The following SLC19A3 variants were observed in gnomAD, a reference collection of about 807,000 sequenced individuals.
The protein encoded by SLC19A3 is thiamine transporter 2.
SLC19A3 carries 31 observed loss-of-function variants against 40.2 expected under a neutral mutation model. That is an observed-to-expected ratio of 0.77 (90% CI 0.58 to 1.04). The LOEUF (loss-of-function observed/expected upper bound fraction) is 1.04, where lower values mean the gene tolerates loss of function less well. Ranked by LOEUF, SLC19A3 falls within the 50% of genes least tolerant of loss-of-function variation. The pLI is 0.00. For synonymous variants in SLC19A3, 212 were observed against 227.5 expected (o/e 0.93, Z 0.61); for missense variants, 592 against 596.7 (o/e 0.99, Z 0.08).
intron 1 of SLC19A3, among the ~76,000 whole-genome samples, chr2:227,716,469 T>A (rs946412337): frequency 6.6e-6 from 1 of 152,130 alleles, no homozygotes; most frequent in Admixed American, 6.5e-5. Flanking sequence ...CAAAAAAACC[T>A]TTGTCTGCCT....
chr2:227,692,899 A>G (rs1471687645), intron 4 of SLC19A3, among the ~76,000 whole-genome samples: 1 of 152,244 alleles, frequency 6.6e-6, no homozygotes, highest in Non-Finnish European at 1.5e-5. Context: ...TAACATTTCT[A>G]TATGCAAACA....
intron 1 of SLC19A3, among the ~76,000 whole-genome samples, chr2:227,713,287 T>A (rs6436729): frequency 0.6 from 90,433 of 151,354 alleles, 29,755 homozygotes; most frequent in Non-Finnish European, 0.75. Flanking sequence ...CCTGTAGTCC[T>A]AGCTACTGAG....
chr2:227,693,206 T>G (rs1695298518), intron 4 of SLC19A3, among the ~76,000 whole-genome samples: 1 of 151,956 alleles, frequency 6.6e-6, no homozygotes, highest in Non-Finnish European at 1.5e-5. Flanking sequence ...ATTCTAAAAT[T>G]TATATGAAAC....
rs918527461 is a variant in SLC19A3 at position 227,701,954 on chromosome 2, T to C, written c.150+215A>G. The stretch of plus-strand genomic sequence containing the variant: ...GTTAGGACTCTATGCAAGTTAAAAA[T>C]TTGTTAACACATGTAATATGTTTTG... On this transcript the variant is annotated intron_variant, in intron 2 of 5. Coordinates refer to ENST00000644224, the MANE Select transcript of SLC19A3 (RefSeq NM_025243.4). 4 of 533,838 alleles carry C rather than the reference T, an allele frequency of 7.5e-6. No individual in the cohort carries two copies. In the African/African-American group the frequency reaches 7.6e-5, roughly 10 times the overall value. 33.1% of individuals were successfully genotyped at this position (533,838 alleles called of 1,614,324 possible).
At chr2:227,707,939 G>A (rs867018778) in intron 1 of SLC19A3, among the ~76,000 whole-genome samples, 1 of 152,180 alleles carries the variant, frequency 6.6e-6, no homozygotes, top group Non-Finnish European at 1.5e-5. Flanking sequence ...ATGTTGGCCA[G>A]GCTGGTGTTG....
At position 227,687,160 on chromosome 2, in the gene SLC19A3, G is replaced by A. The variant is rs1023981577; in HGVS notation, c.*237C>T. ...TTTTCCAGCTGCTACTAGTCACAGG[G>A]GGTCCCCAATATGGGTTGTTTAATT... On this transcript the variant is annotated 3_prime_UTR_variant, in exon 6 of 6. Transcript: ENST00000644224. 1 of 419,564 alleles carries A rather than the reference G, an allele frequency of 2.4e-6. No homozygotes were observed. The highest frequency in any genetic ancestry group is 4.2e-6 in the Non-Finnish European group (1 of 236,020). The allele number at this position is 419,564 out of a possible 1,614,324, so 26.0% of individuals were successfully genotyped here.
chr2:227,687,230 T>C lies in SLC19A3; in HGVS notation c.*167A>G. 3.0e-6 allele frequency: 2 copies of C among 660,070 alleles called. No homozygotes were observed. Among genetic ancestry groups the C allele is most frequent in the South Asian group, 2.1e-5 (1 of 47,816 alleles). The allele number at this position is 660,070 out of a possible 1,614,324, so 40.9% of individuals were successfully genotyped here. On this transcript the variant is annotated 3_prime_UTR_variant, in exon 6 of 6. Transcript: ENST00000644224. Reference sequence around the variant, plus strand: ...ATTGCATCCAGTAAAATTGGTCACATAGAGAACTCATCTAAAACTGAGGTT... The same window carrying C: ...ATTGCATCCAGTAAAATTGGTCACACAGAGAACTCATCTAAAACTGAGGTT...
intron 1 of SLC19A3, among the ~76,000 whole-genome samples, chr2:227,717,161 C>T (rs1201423701): frequency 1.3e-5 from 2 of 151,984 alleles, no homozygotes; most frequent in African/African-American, 4.8e-5. Context: ...CGCCACCATG[C>T]CCGGCTAATT....
intron 1 of SLC19A3, among the ~76,000 whole-genome samples, chr2:227,713,023 C>G (rs1047817136): frequency 6.6e-6 from 1 of 152,134 alleles, no homozygotes; most frequent in Non-Finnish European, 1.5e-5. Context: ...CTCATGCATT[C>G]ATACTATACA....
intron 1 of SLC19A3, chr2:227,702,778 G>A (rs1220096249): frequency 5.8e-6 from 1 of 173,688 alleles, no homozygotes; most frequent in African/African-American, 2.4e-5. Flanking sequence ...GAATTATCAT[G>A]TGCACAGGAA....
chr2:227,712,050 CAAAAAAAAAAAAAAAA>C (rs397988111), intron 1 of SLC19A3, among the ~76,000 whole-genome samples: 5 of 65,464 alleles, frequency 7.6e-5, no homozygotes, highest in Non-Finnish European at 1.3e-4. Context: ...ACTCTGTCTC[CAAAAAAAAAAAAAAAA>C]AAAAAAAAAA....
At chr2:227,695,748 A>C (rs1695403094) in intron 4 of SLC19A3, 141 bp downstream of exon 4, 2 of 798,156 alleles carry the variant, frequency 2.5e-6, no homozygotes, top group Non-Finnish European at 4.1e-6. Flanking sequence ...AAGTTGGCTT[A>C]GTTGTGTCTA....
intron 1 of SLC19A3, 127 bp from the exon 2 acceptor site, chr2:227,702,447 G>T (rs1201665530): frequency 2.2e-6 from 2 of 924,314 alleles, no homozygotes; most frequent in African/African-American, 1.7e-5. Context: ...AGGCTGAAGT[G>T]CAGTGGCATG....
intron 1 of SLC19A3, among the ~76,000 whole-genome samples, chr2:227,711,371 G>A (rs1696128723): frequency 6.6e-6 from 1 of 151,714 alleles, no homozygotes; most frequent in African/African-American, 2.4e-5. Flanking sequence ...AGTAAGCCAA[G>A]ATAGTGCCAC....
At chr2:227,696,335 A>G (rs1559247662) in intron 3 of SLC19A3, among the ~76,000 whole-genome samples, 1 of 152,186 alleles carries the variant, frequency 6.6e-6, no homozygotes, top group Non-Finnish European at 1.5e-5. Context: ...CACGCCAGAC[A>G]CTGTATTCTG....
At chr2:227,700,822 G>T in intron 2 of SLC19A3, 2 of 777,938 alleles carry the variant, frequency 2.6e-6, no homozygotes, top group Non-Finnish European at 3.7e-6. Flanking sequence ...AAATGCATGG[G>T]ATCTCAATTT....
Position 227,687,351 on chromosome 2 carries a change from T to C in SLC19A3, c.*46A>G. 6.4e-7 allele frequency: 1 copy of C among 1,557,524 alleles called. No homozygotes were observed. Among genetic ancestry groups the C allele is most frequent in the Non-Finnish European group, 8.7e-7 (1 of 1,149,608 alleles). Reference sequence around the variant, plus strand: ...CCACCCATCTCAAAATCTTTCCTTATTATTGCATAACTTTGAAAGCCACTG... The same window carrying C: ...CCACCCATCTCAAAATCTTTCCTTACTATTGCATAACTTTGAAAGCCACTG... On this transcript the variant is annotated 3_prime_UTR_variant, in exon 6 of 6. Transcript: ENST00000644224.
At position 227,698,969 on chromosome 2, in the gene SLC19A3, A is replaced by T; in HGVS notation, c.746T>A (p.Leu249Gln). 6.2e-7 allele frequency: 1 copy of T among 1,614,228 alleles called. No homozygotes were observed. The highest frequency in any genetic ancestry group is 8.5e-7 in the Non-Finnish European group (1 of 1,180,044). The change falls in exon 3 of 6, where the codon CTG becomes CAG. Residue 249 changes from leucine (L) to glutamine (Q), a missense_variant. Leu to Gln is a moderately radical substitution (Grantham distance 113). Transcript: ENST00000644224. The stretch of plus-strand genomic sequence containing the variant: ...CACATTGCTTGGTTTCAGGCTGTTC[A>T]GCTGGCCCTTATTCAGCTTCCCTGA... ...STSGKLNKGQ[L>Q]NSLKPSNVTV...
Position 227,699,003 on chromosome 2 carries a change from G to A in SLC19A3, c.712C>T (p.Leu238Phe), listed in dbSNP as rs762519804. 6.2e-7 allele frequency: 1 copy of A among 1,614,242 alleles called. No individual in the cohort carries two copies. The highest frequency in any genetic ancestry group is 8.5e-7 in the Non-Finnish European group (1 of 1,180,040). The change falls in exon 3 of 6, where the codon CTC (leucine) becomes TTC (phenylalanine). Residue 238 changes from leucine (L) to phenylalanine (F), a missense_variant. By Grantham distance (22) the Leu-to-Phe change is conservative (BLOSUM62 0). Coordinates refer to ENST00000644224, the MANE Select transcript of SLC19A3 (RefSeq NM_025243.4). ...CEEQKPTSEI[L>F]STSGKLNKGQ... is the part of the protein sequence containing the mutation. ...TTATTCAGCTTCCCTGAAGTGCTGA[G>A]TATTTCTGATGTGGGTTTCTGCTCT... is the stretch of plus-strand genomic sequence containing the variant.
Sources: allele counts gnomAD v4.1 joint callset (sites outside exome capture counted in the v4.1 genomes callset), GRCh38; gene constraint gnomAD v4.1.1; transcripts MANE v1.5; gene names NCBI Gene and HGNC (gene_info 2026-07-23, HGNC 2026-07-21).